SHROOM1: variants seen among roughly 807,000 people sequenced by gnomAD.
The protein encoded by SHROOM1 is shroom family member 1.
A neutral mutation model predicts 64.2 loss-of-function variants in SHROOM1; 53 were observed. The ratio of observed to expected loss-of-function variants is 0.83; its 90% CI spans 0.66 to 1.04. The LOEUF is 1.04. SHROOM1 is among the 50% of genes least tolerant of loss of function. The pLI, the probability that SHROOM1 is intolerant of heterozygous loss-of-function variation, is 0.00. For synonymous variants in SHROOM1, 490 were observed against 518.9 expected (o/e 0.94, Z 0.76); for missense variants, 1,179 against 1,163.2 (o/e 1.01, Z -0.20).
At position 132,825,891 on chromosome 5, in the gene SHROOM1, G is replaced by A. The variant is rs1758675522; in HGVS notation, c.250C>T (p.Arg84Trp). ...CGGGCTGCAACCGCGGGCCGGGGCC[G>A]CGGGGATGTGCAAAGGGCAGCGTCG... ...PPDAALCTSP[R>W]PRPAVAARSG... The change falls in exon 4 of 10, where the codon CGG (arginine) becomes TGG (tryptophan). Residue 84 changes from arginine (R) to tryptophan (W), a missense_variant. Transcript: ENST00000378679. This position sits in a 1 kb window ranked among gnomAD's most constrained non-coding sequence, Gnocchi z 5.1. 6.1e-6 allele frequency: 8 copies of A among 1,311,308 alleles called. No individual in the cohort carries two copies. Among genetic ancestry groups the A allele is most frequent in the Non-Finnish European group, 6.8e-6 (7 of 1,024,040 alleles). The allele number at this position is 1,311,308 out of a possible 1,614,324, so 81.2% of individuals were successfully genotyped here. A position where few individuals can be genotyped will look rare whatever the true frequency, so the allele number is the denominator to read the frequency against.
intron 1 of SHROOM1, among the ~76,000 whole-genome samples, chr5:132,828,132 C>A (rs1758759353): frequency 6.6e-6 from 1 of 151,906 alleles, no homozygotes; most frequent in African/African-American, 2.4e-5. Context: ...CTTATTTGAG[C>A]CTCCTAGACA....
In SHROOM1 at chr5:132,823,510, C is replaced by A. The variant is rs748264255; in HGVS notation, c.1966G>T (p.Ala656Ser). ...SIQGKKVELA[A>S]RLQKMLQDLH... ...TCCTGAAGCATCTTTTGGAGGCGGG[C>A]GGCCAGCTCCACCTACAGGGAAGGC... The change falls in exon 9 of 10, where the codon GCC becomes TCC. Residue 656 changes from alanine (A) to serine (S), a missense_variant. Physicochemically the swap from Ala to Ser is moderately conservative, Grantham distance 99. Coordinates refer to ENST00000378679, the MANE Select transcript of SHROOM1 (RefSeq NM_001172700.2). This position sits in a 1 kb window ranked among gnomAD's most constrained non-coding sequence, Gnocchi z 4.6. The A allele has an allele frequency of 5.0e-6, 8 of 1,600,302 alleles. No individual in the cohort carries two copies. Among genetic ancestry groups the A allele is most frequent in the Non-Finnish European group, 6.8e-6 (8 of 1,169,746 alleles).
rs1435709802 is a variant in SHROOM1 at position 132,830,192 on chromosome 5, G to C, written c.-501+402C>G. The C allele has an allele frequency of 4.1e-6, 4 of 985,090 alleles. No individual in the cohort carries two copies. The African/African-American group carries it at 5.2e-5, about 13-fold the overall frequency. 61.0% of individuals were successfully genotyped at this position (985,090 alleles called of 1,614,324 possible). On this transcript the variant is annotated intron_variant, in intron 1 of 9. Transcript: ENST00000378679. This position sits in a 1 kb window ranked among gnomAD's most constrained non-coding sequence, Gnocchi z 5.9. ...TTGGGTTCACCGTCGGGGAAGGATC[G>C]CGCGCAGGGGACAGCGCGAGCCCGG...
At position 132,823,925 on chromosome 5, in the gene SHROOM1, A is replaced by G. The variant is rs1758553472; in HGVS notation, c.1736T>C (p.Leu579Ser). 1.9e-6 allele frequency: 3 copies of G among 1,570,146 alleles called. No homozygotes were observed. The highest frequency in any genetic ancestry group is 1.4e-5 in the African/African-American group (1 of 73,758). ...CCGCATTGCAGCCCGGACCTCTGCT[A>G]AAGGAATCAGTCCATCCAGCAGGCC... Reference protein sequence around the residue: ...PLGLLDGLIPLAEVRAAMRPA... With the variant: ...PLGLLDGLIPSAEVRAAMRPA... The change falls in exon 7 of 10, where the codon TTA becomes TCA. Residue 579 changes from leucine to serine, a missense_variant. By Grantham distance (145) the Leu-to-Ser change is moderately radical. Coordinates refer to ENST00000378679, the MANE Select transcript of SHROOM1 (RefSeq NM_001172700.2). This position sits in a 1 kb window ranked among gnomAD's most constrained non-coding sequence, Gnocchi z 4.6.
In SHROOM1 at chr5:132,830,260, C is replaced by G. The variant is rs1184557451; in HGVS notation, c.-501+334G>C. The G allele has an allele frequency of 3.0e-6, 3 of 985,220 alleles. No individual in the cohort carries two copies. In the African/African-American group the frequency reaches 5.2e-5, roughly 17 times the overall value. The allele number at this position is 985,220 out of a possible 1,614,324, so 61.0% of individuals were successfully genotyped here. On this transcript the variant is annotated intron_variant, in intron 1 of 9. Transcript: ENST00000378679. The surrounding 1 kb of genome is among the most constrained non-coding windows in gnomAD (Gnocchi z 5.9). ...TCTCCAGATGCTTGGCGACAAAGGG[C>G]AGGAGCGGAGGGTGGCGGAGTGAGA...
At position 132,825,728 on chromosome 5, in the gene SHROOM1, C is replaced by T; in HGVS notation, c.413G>A (p.Arg138Lys). Residue 138 changes from arginine to lysine, a missense_variant, in exon 4 of 10, where the codon AGG (arginine) becomes AAG (lysine). Transcript: ENST00000378679. This position sits in a 1 kb window ranked among gnomAD's most constrained non-coding sequence, Gnocchi z 5.1. The stretch of plus-strand genomic sequence containing the variant: ...CTGAAGCCGCTGGCGGTAGGCGGCC[C>T]TCGAGGCCGGCGGGCTGGGCGGCTC... ...AAEPPSPPAS[R>K]AAYRQRLQGA... is the part of the protein sequence containing the mutation. 2 of 1,285,476 alleles carry T rather than the reference C, an allele frequency of 1.6e-6. No individual in the cohort carries two copies. The highest frequency in any genetic ancestry group is 2.0e-6 in the Non-Finnish European group (2 of 1,021,670). The allele number at this position is 1,285,476 out of a possible 1,614,324, so 79.6% of individuals were successfully genotyped here.
Position 132,824,247 on chromosome 5 carries a change from T to TG in SHROOM1, c.1413dup (p.Thr472HisfsTer6). 6.2e-7 allele frequency: 1 copy of TG among 1,614,066 alleles called. No individual in the cohort carries two copies. Among genetic ancestry groups the TG allele is most frequent in the South Asian group, 1.1e-5 (1 of 91,068 alleles). On this transcript the variant is annotated frameshift_variant, in exon 7 of 10. Transcript: ENST00000378679. LOFTEE classifies it high-confidence loss of function. The stretch of plus-strand genomic sequence containing the variant: ...GGGATGTTATCATTTGCAGTCCCAG[T>TG]GGGGGTGTGGCTTGTGGGCCTGGAA...
chr5:132,829,579 A>C, intron 1 of SHROOM1: 1 of 985,396 alleles, frequency 1.0e-6, no homozygotes, highest in Non-Finnish European at 1.2e-6. Context: ...AAATACAACG[A>C]ATGATCAGGA....
chr5:132,827,148 T>C (rs1758728491), intron 2 of SHROOM1, among the ~76,000 whole-genome samples: 1 of 152,192 alleles, frequency 6.6e-6, no homozygotes, highest in Non-Finnish European at 1.5e-5. Flanking sequence ...AGAGGTCTCC[T>C]CACTTTTTGG....
In SHROOM1 at chr5:132,825,742, G is replaced by GCTGGGCGGCTCGGCAGC; in HGVS notation, c.382_398dup (p.Ser133ArgfsTer39). ...GGTAGGCGGCCCTCGAGGCCGGCGG[G>GCTGGGCGGCTCGGCAGC]CTGGGCGGCTCGGCAGCCTGCGCCG... On this transcript the variant is annotated frameshift_variant, in exon 4 of 10. Transcript: ENST00000378679. LOFTEE classifies it high-confidence loss of function. This position sits in a 1 kb window ranked among gnomAD's most constrained non-coding sequence, Gnocchi z 5.1. 7.9e-7 allele frequency: 1 copy of GCTGGGCGGCTCGGCAGC among 1,265,050 alleles called. No individual in the cohort carries two copies. The allele number at this position is 1,265,050 out of a possible 1,614,324, so 78.4% of individuals were successfully genotyped here.
chr5:132,829,496 T>TA, intron 1 of SHROOM1: 2 of 849,572 alleles, frequency 2.4e-6, no homozygotes, highest in Non-Finnish European at 2.8e-6. Flanking sequence ...TTCCGGTGGA[T>TA]AAAATCACAC....
At position 132,823,437 on chromosome 5, in the gene SHROOM1, G is replaced by A. The variant is rs140964128; in HGVS notation, c.2039C>T (p.Ala680Val). 4.1e-5 allele frequency: 66 copies of A among 1,611,822 alleles called. No individual in the cohort carries two copies. The highest frequency in any genetic ancestry group is 5.2e-5 in the Non-Finnish European group (61 of 1,179,860). The change falls in exon 9 of 10, where the codon GCC becomes GTC. Residue 680 changes from alanine (A) to valine (V), a missense_variant. Physicochemically the swap from Ala to Val is moderately conservative, Grantham distance 64. Transcript: ENST00000378679. The surrounding 1 kb of genome is among the most constrained non-coding windows in gnomAD (Gnocchi z 4.6). ...ERLQGEAQAWARRQAALEAAV... is the reference protein window; with the variant it reads ...ERLQGEAQAWVRRQAALEAAV... ...AGCCTCCAGAGCCGCTTGGCGCCTG[G>A]CCCACGCTTGTGCCTCCCCCTGCAG...
Position 132,830,132 on chromosome 5 carries a change from TG to T in SHROOM1, c.-501+461del. Reference sequence around the variant, plus strand: ...ACACGCGGAGCGGCTCGACAGCAGATGGCCGCAGCCCCGCGCAGTTCTGGGC... The same window carrying T: ...ACACGCGGAGCGGCTCGACAGCAGATGCCGCAGCCCCGCGCAGTTCTGGGC... On this transcript the variant is annotated intron_variant, in intron 1 of 9. Transcript: ENST00000378679. This position sits in a 1 kb window ranked among gnomAD's most constrained non-coding sequence, Gnocchi z 5.9. The T allele has an allele frequency of 1.0e-6, 1 of 985,184 alleles. No homozygotes were observed. The highest frequency in any genetic ancestry group is 1.2e-6 in the Non-Finnish European group (1 of 829,856). The allele number at this position is 985,184 out of a possible 1,614,324, so 61.0% of individuals were successfully genotyped here. A position where few individuals can be genotyped will look rare whatever the true frequency, so the allele number is the denominator to read the frequency against.
At chr5:132,829,901 G>A (rs990628262) in intron 1 of SHROOM1, 1 of 985,370 alleles carries the variant, frequency 1.0e-6, no homozygotes, top group Non-Finnish European at 1.2e-6. Context: ...ACTGGTTTAC[G>A]GGCTCATCGG....
Position 132,825,006 on chromosome 5 carries a change from C to T in SHROOM1, c.1034+12G>A, listed in dbSNP as rs1395807964. Reference sequence around the variant, plus strand: ...CCCCCCAACTTGGTCCAGAGTGGTCCGTGTCTCTCACCTGGAAAGTTTGGT... The same window carrying T: ...CCCCCCAACTTGGTCCAGAGTGGTCTGTGTCTCTCACCTGGAAAGTTTGGT... On this transcript the variant is annotated intron_variant, in intron 5 of 9. Transcript: ENST00000378679. The surrounding 1 kb of genome is among the most constrained non-coding windows in gnomAD (Gnocchi z 5.1). 5.6e-6 allele frequency: 9 copies of T among 1,613,644 alleles called. No individual in the cohort carries two copies. Among genetic ancestry groups the T allele is most frequent in the Admixed American group, 3.3e-5 (2 of 59,966 alleles).
At position 132,826,425 on chromosome 5, in the gene SHROOM1, G is replaced by C. The variant is rs564448552; in HGVS notation, c.-191C>G. 4.9e-3 allele frequency: 2,347 copies of C among 482,222 alleles called. 13 individuals are homozygous for C. The highest frequency in any genetic ancestry group is 0.021 in the Middle Eastern group (36 of 1,700). The allele number at this position is 482,222 out of a possible 1,614,324, so 29.9% of individuals were successfully genotyped here. A position where few individuals can be genotyped will look rare whatever the true frequency, so the allele number is the denominator to read the frequency against. On this transcript the variant is annotated 5_prime_UTR_variant, in exon 3 of 10. Transcript: ENST00000378679. ...GGGCCCAGCTCAGGGGAAGGAATTG[G>C]GACCAGCTCATTCCCTGCCAGGCTC...
chr5:132,824,903 CA>C, intron 5 of SHROOM1, 82 bp from the exon 6 acceptor site: 3 of 1,599,498 alleles, frequency 1.9e-6, no homozygotes, highest in South Asian at 1.1e-5. Flanking sequence ...AGGGTATTTT[CA>C]AAATAACCAG....
At position 132,822,697 on chromosome 5, in the gene SHROOM1, TCCCCAATC is replaced by T. The variant is rs1327093007; in HGVS notation, c.*91_*98del. The T allele has an allele frequency of 7.4e-7, 1 of 1,352,336 alleles. No individual in the cohort carries two copies. The highest frequency in any genetic ancestry group is 1.0e-6 in the Non-Finnish European group (1 of 1,004,660). 83.8% of individuals were successfully genotyped at this position (1,352,336 alleles called of 1,614,324 possible). On this transcript the variant is annotated 3_prime_UTR_variant, in exon 10 of 10. Coordinates refer to ENST00000378679, the MANE Select transcript of SHROOM1 (RefSeq NM_001172700.2). The stretch of plus-strand genomic sequence containing the variant: ...TCTTAGAAAGGCCTGGACTGGGTCC[TCCCCAATC>T]CCTCAAGGGAAAAGCAGAGACTAAA...
At position 132,826,227 on chromosome 5, in the gene SHROOM1, G is replaced by C. The variant is rs1460219653; in HGVS notation, c.-42-45C>G. ...GTGCCGGGTGAGGAGCTCCGGGTGAGGGCTGGGACAGCCTGCTGGCCCCGC... is the reference window on the plus strand; with the variant it reads ...GTGCCGGGTGAGGAGCTCCGGGTGACGGCTGGGACAGCCTGCTGGCCCCGC... On this transcript the variant is annotated intron_variant, in intron 3 of 9. Coordinates refer to ENST00000378679, the MANE Select transcript of SHROOM1 (RefSeq NM_001172700.2). 2.4e-6 allele frequency: 3 copies of C among 1,260,268 alleles called. No homozygotes were observed. In the African/African-American group the frequency reaches 4.6e-5, roughly 19 times the overall value. The allele number at this position is 1,260,268 out of a possible 1,614,324, so 78.1% of individuals were successfully genotyped here. A position where few individuals can be genotyped will look rare whatever the true frequency, so the allele number is the denominator to read the frequency against.
Sources: gnomAD v4.1 joint callset for allele counts (sites outside exome capture counted in the v4.1 genomes callset) on GRCh38, gnomAD v4.1.1 for gene constraint, Gnocchi (gnomAD v3.1) non-coding constraint, MANE v1.5 for transcripts, NCBI Gene and HGNC (gene_info 2026-07-23, HGNC 2026-07-21) for gene names.